The following GET4 variants were observed in gnomAD, a reference collection of about 807,000 sequenced individuals.
GET4 encodes the protein Golgi to ER traffic protein 4 homolog.
GET4 carries 20 observed loss-of-function variants against 40.0 expected under a neutral mutation model. That is an observed-to-expected ratio of 0.50 (90% CI 0.35 to 0.73). The LOEUF (loss-of-function observed/expected upper bound fraction) is 0.73. GET4 is among the 30% of genes least tolerant of loss of function. The pLI, the probability that GET4 is intolerant of heterozygous loss-of-function variation, is 0.01. For synonymous variants in GET4, 280 were observed against 194.6 expected, an observed-to-expected ratio of 1.44 and a Z score of -3.65; for missense variants, 557 against 454.0, an observed-to-expected ratio of 1.23 and a Z score of -2.06.
At chr7:878,834 C>T (rs1176826061) in intron 1 of GET4, among the ~76,000 whole-genome samples, 1 of 152,222 alleles carries the variant, frequency 6.6e-6, no homozygotes, top group African/African-American at 2.4e-5. Flanking sequence ...CCACCTCGGC[C>T]ACCCAAAGTG....
chr7:886,530 GC>G (rs1562894811), intron 2 of GET4, 38 bp from the exon 3 acceptor site: 2 of 1,477,148 alleles, frequency 1.4e-6, no homozygotes, highest in Non-Finnish European at 1.9e-6. Flanking sequence ...ACAGGTCAGG[GC>G]TTTGTTCTTG....
At chr7:878,376 C>A (rs552646589) in intron 1 of GET4, 4 of 470,824 alleles carry the variant, frequency 8.5e-6, no homozygotes, top group Non-Finnish European at 1.8e-5. Flanking sequence ...TCTTATGGTT[C>A]AGGTCAGGGA....
In GET4 at chr7:894,404, G is replaced by A. The variant is rs557045614; in HGVS notation, c.895+433G>A. Among the ~76,000 whole-genome samples the A allele has an allele frequency of 1.4e-4, 22 of 152,288 alleles. No individual in the cohort carries two copies. The South Asian group carries it at 2.1e-3, about 14-fold the overall frequency. On this transcript the variant is annotated intron_variant, in intron 8 of 8. Transcript: ENST00000265857. The stretch of plus-strand genomic sequence containing the variant: ...TGTGGGTGGTGGTTCGTGGCACCGC[G>A]GGAGAGGCCCCTCACTGAGCCGCCT...
chr7:892,624 T>G (rs202130431), intron 6 of GET4: 1 of 462,178 alleles, frequency 2.2e-6, no homozygotes, highest in Non-Finnish European at 3.9e-6. Flanking sequence ...GTAGTGCGGG[T>G]AGCTGTGTGG....
intron 1 of GET4, among the ~76,000 whole-genome samples, chr7:879,076 G>A (rs1844032137): frequency 6.6e-6 from 1 of 152,170 alleles, no homozygotes; most frequent in Non-Finnish European, 1.5e-5. Context: ...ATCACGCAGT[G>A]CAGCTCCACT....
At chr7:893,076 G>A (rs1204621500) in intron 6 of GET4, among the ~76,000 whole-genome samples, 6 of 148,002 alleles carry the variant, frequency 4.1e-5, no homozygotes, top group African/African-American at 1.5e-4. Flanking sequence ...GTGTGTGCAG[G>A]CGAGTGTTGG....
chr7:888,908 G>A (rs1003287155), intron 4 of GET4, among the ~76,000 whole-genome samples: 1 of 152,222 alleles, frequency 6.6e-6, no homozygotes, highest in Non-Finnish European at 1.5e-5. Flanking sequence ...TCTGTCTTTC[G>A]GATGAGTCAG....
At position 893,725 on chromosome 7, in the gene GET4, G is replaced by A; in HGVS notation, c.747-15G>A. The A allele has an allele frequency of 6.4e-7, 1 of 1,573,244 alleles. No individual in the cohort carries two copies. ...TTCTGCTCACCCAGCACATCCCTGT[G>A]TGTCTCTGTCCCAGTGGGAAGCTGA... On this transcript the variant is annotated splice_polypyrimidine_tract_variant and intron_variant, in intron 6 of 8. Transcript: ENST00000265857.
chr7:883,835 G>T (rs965765954), intron 1 of GET4: 2 of 1,016,034 alleles, frequency 2.0e-6, no homozygotes, highest in Non-Finnish European at 2.4e-6. Context: ...GTTCAGAGCC[G>T]CCTTAGACGG....
rs370699463 is a variant in GET4, at chr7:893,788, C to G, written c.795C>G (p.Ser265=). ...TGCTGTGTGAGCAGTACCAGCCATC[C>G]CTCCGGCGGGACCCCATGTACAACG... ...FTVLCEQYQP[S]LRRDPMYNEY... Residue 265 remains serine (S), a synonymous_variant, in exon 7 of 9, where the codon TCC becomes TCG. Coordinates refer to ENST00000265857, the MANE Select transcript of GET4 (RefSeq NM_015949.3). 6.2e-7 allele frequency: 1 copy of G among 1,611,426 alleles called. No individual in the cohort carries two copies.
At chr7:877,083 C>G (rs1316977886) in intron 1 of GET4, among the ~76,000 whole-genome samples, 1 of 151,812 alleles carries the variant, frequency 6.6e-6, no homozygotes, top group African/African-American at 2.4e-5. Flanking sequence ...CAGCCTCCAC[C>G]TGTTCCCTCC....
intron 1 of GET4, 58 bp from the exon 2 acceptor site, chr7:885,998 G>T (rs577616543): frequency 2.0e-6 from 2 of 1,000,946 alleles, no homozygotes; most frequent in African/African-American, 3.2e-5. Context: ...GAAGATGAGC[G>T]GGGGAGCGCG....
chr7:890,950 G>T lies in GET4; in HGVS notation c.489G>T (p.Arg163Ser). The T allele has an allele frequency of 6.2e-7, 1 of 1,607,280 alleles. No homozygotes were observed. The highest frequency in any genetic ancestry group is 8.5e-7 in the Non-Finnish European group (1 of 1,174,064). ...LWKEQNYCES[R>S]YHFLHSADGE... ...CAGAACAAAACTATTGTGAGTCGAG[G>T]TATCATTTTCTGCACTCAGCGGACG... The change falls in exon 5 of 9, where the codon AGG becomes AGT. Residue 163 changes from arginine (R) to serine (S), a missense_variant. Physicochemically the swap from Arg to Ser is moderately radical, Grantham distance 110. Transcript: ENST00000265857.
intron 1 of GET4, among the ~76,000 whole-genome samples, chr7:877,288 C>T (rs1466489389): frequency 1.4e-5 from 2 of 145,174 alleles, no homozygotes; most frequent in South Asian, 2.3e-4. Context: ...TCTCTGTCCT[C>T]GGCCTCTCCT....
At chr7:885,675 C>G (rs977458016) in intron 1 of GET4, 1 of 183,612 alleles carries the variant, frequency 5.4e-6, no homozygotes, top group Non-Finnish European at 1.1e-5. Flanking sequence ...TCCTTTGGCT[C>G]CTGCCTGTGG....
intron 1 of GET4, among the ~76,000 whole-genome samples, chr7:877,547 C>T (rs79674914): frequency 0.14 from 15,725 of 114,032 alleles, 1,359 homozygotes; most frequent in South Asian, 0.21. Context: ...GCTCTCTCCC[C>T]AGCCTACCAC....
chr7:896,306 T>A lies in GET4; in HGVS notation c.*884T>A, dbSNP rs1338281344. On this transcript the variant is annotated 3_prime_UTR_variant, in exon 9 of 9. Transcript: ENST00000265857. ...GGGAGACGCTCTATTTTTTCACAGTTAAATGACAGTTGTAGATTGATACGC... is the reference window on the plus strand; with the variant it reads ...GGGAGACGCTCTATTTTTTCACAGTAAAATGACAGTTGTAGATTGATACGC... 1.3e-5 allele frequency: 2 copies of A among 152,196 alleles called. No homozygotes were observed. The highest frequency in any genetic ancestry group is 2.9e-5 in the Non-Finnish European group (2 of 68,024). 9.4% of individuals were successfully genotyped at this position (152,196 alleles called of 1,614,324 possible).
At chr7:882,548 C>T (rs1207926016) in intron 1 of GET4, 1 of 152,410 alleles carries the variant, frequency 6.6e-6, no homozygotes, top group African/African-American at 2.4e-5. Context: ...CCGGGGATGG[C>T]GCGGGTTGTG....
chr7:884,526 T>C (rs533706963), intron 1 of GET4: 67 of 391,084 alleles, frequency 1.7e-4, no homozygotes, highest in African/African-American at 1.3e-3. Context: ...CCTGGTGCCC[T>C]GCCTCTGTGC....
Sources: allele counts gnomAD v4.1 joint callset (sites outside exome capture counted in the v4.1 genomes callset), GRCh38; gene constraint gnomAD v4.1.1; transcripts MANE v1.5; gene names NCBI Gene and HGNC (gene_info 2026-07-23, HGNC 2026-07-21).